Variants in NAV2 observed in about 807,000 individuals in gnomAD.
NAV2 encodes the protein neuron navigator 2, also known as helicase, APC down-regulated 1.
NAV2 carries 54 observed loss-of-function variants against 223.2 expected under a neutral mutation model. That is an observed-to-expected ratio of 0.24 (90% CI 0.19 to 0.30). The LOEUF (loss-of-function observed/expected upper bound fraction) is 0.30. Ranked by LOEUF, NAV2 falls within the 10% of genes least tolerant of loss-of-function variation. The pLI is 1.00. For synonymous variants in NAV2, 1,279 were observed against 1,239.3 expected, an observed-to-expected ratio of 1.03 and a Z score of -0.67; for missense variants, 2,806 against 3,147.5, an observed-to-expected ratio of 0.89 and a Z score of 2.60.
At chr11:19,765,398 C>CCTCT (rs1555038851) in intron 1 of NAV2, among the ~76,000 whole-genome samples, 2,356 of 149,856 alleles carry the variant, frequency 0.016, 79 homozygotes, top group African/African-American at 0.055. Context: ...TCCTTCCCTC[C>CCTCT]CTCCCTCTCT....
At chr11:19,356,565 T>C (rs965373604) in intron 1 of NAV2, among the ~76,000 whole-genome samples, 3 of 152,238 alleles carry the variant, frequency 2.0e-5, no homozygotes, top group African/African-American at 7.2e-5. Flanking sequence ...AGGGAGGACT[T>C]CTCTGGAGGA....
At chr11:20,010,621 T>G (rs1415816020) in intron 11 of NAV2, among the ~76,000 whole-genome samples, 1 of 152,202 alleles carries the variant, frequency 6.6e-6, no homozygotes, top group Non-Finnish European at 1.5e-5. Context: ...CTATAATATA[T>G]GTACAGCCGT....
At chr11:19,828,934 C>T (rs1405485511) in intron 1 of NAV2, among the ~76,000 whole-genome samples, 1 of 152,204 alleles carries the variant, frequency 6.6e-6, no homozygotes, top group Non-Finnish European at 1.5e-5. Flanking sequence ...TGTGAGTGTA[C>T]CTGATACTTG....
chr11:20,043,680 G>T (rs1413422723), intron 12 of NAV2, among the ~76,000 whole-genome samples: 1 of 152,094 alleles, frequency 6.6e-6, no homozygotes, highest in Non-Finnish European at 1.5e-5. Flanking sequence ...GGGATCAAGT[G>T]ATCCTCCCGC....
intron 6 of NAV2, among the ~76,000 whole-genome samples, chr11:19,928,946 A>G (rs2045049762): frequency 6.6e-6 from 1 of 152,008 alleles, no homozygotes; most frequent in Non-Finnish European, 1.5e-5. Flanking sequence ...GAGTCATAGG[A>G]CCCCAGGATT....
chr11:19,501,333 G>T (rs2042956930), intron 1 of NAV2, among the ~76,000 whole-genome samples: 1 of 152,038 alleles, frequency 6.6e-6, no homozygotes, highest in Non-Finnish European at 1.5e-5. Flanking sequence ...ATCTTTGCAG[G>T]ACCACTATTC....
intron 1 of NAV2, among the ~76,000 whole-genome samples, chr11:19,646,205 G>T (rs2047812345): frequency 6.6e-6 from 1 of 152,212 alleles, no homozygotes. Flanking sequence ...TTGAGCAAAT[G>T]CCAGAAAACC....
intron 10 of NAV2, among the ~76,000 whole-genome samples, chr11:19,981,684 G>C (rs955773369): frequency 3.3e-5 from 5 of 152,136 alleles, no homozygotes; most frequent in Non-Finnish European, 7.4e-5. Flanking sequence ...AAAGGACGTG[G>C]GGTCTAGAAA....
chr11:19,616,304 C>CTGTG (rs113035353), intron 1 of NAV2, among the ~76,000 whole-genome samples: 75,964 of 140,450 alleles, frequency 0.54, 23,750 homozygotes, highest in East Asian at 0.7. Flanking sequence ...TTGCTTCTGA[C>CTGTG]TGTGTGTGTG....
At chr11:20,093,033 G>A in intron 28 of NAV2, 66 bp from the exon 29 acceptor site, 1 of 938,782 alleles carries the variant, frequency 1.1e-6, no homozygotes, top group Admixed American at 2.0e-5. Context: ...ACCTGCAGCG[G>A]GGGTGTCAGG....
chr11:19,440,905 G>A (rs775285419), intron 1 of NAV2, among the ~76,000 whole-genome samples: 8 of 152,306 alleles, frequency 5.3e-5, no homozygotes, highest in Admixed American at 3.9e-4. Flanking sequence ...CTTCCACAGC[G>A]TCTAGAAACC....
rs776829996 is a variant in NAV2, at chr11:20,101,177, G to A, written c.6417+5G>A. ...GTGGACCATAAGTCCAGCAAGGTGAGGAGGTCATTCTGAGTCTGCTGTATT... is the reference window on the plus strand; with the variant it reads ...GTGGACCATAAGTCCAGCAAGGTGAAGAGGTCATTCTGAGTCTGCTGTATT... On this transcript the variant is annotated splice_donor_5th_base_variant and intron_variant, in intron 32 of 37. Coordinates refer to ENST00000349880, the MANE Select transcript of NAV2 (RefSeq NM_145117.5). 1 of 1,606,210 alleles carries A rather than the reference G, an allele frequency of 6.2e-7. No homozygotes were observed. The highest frequency in any genetic ancestry group is 1.3e-5 in the African/African-American group (1 of 74,790).
chr11:19,763,187 G>T (rs2054910952), intron 1 of NAV2, among the ~76,000 whole-genome samples: 1 of 152,196 alleles, frequency 6.6e-6, no homozygotes. Flanking sequence ...AAAGATCTTG[G>T]ATCTTAAATG....
intron 1 of NAV2, among the ~76,000 whole-genome samples, chr11:19,624,738 G>A (rs538276546): frequency 2.6e-5 from 4 of 152,198 alleles, no homozygotes; most frequent in Admixed American, 6.5e-5. Context: ...TTCGGCTCAC[G>A]CTTGGTGAGC....
chr11:20,023,519 C>T (rs759876409), intron 11 of NAV2, among the ~76,000 whole-genome samples: 54 of 152,032 alleles, frequency 3.6e-4, no homozygotes, highest in Admixed American at 3.3e-4. Context: ...GTCGTTATTC[C>T]GGACTTTTCA....
rs765632685 is a variant in NAV2, at chr11:19,935,851, G to GTTTTTTTTTTTTTTTTTTTTTT, written c.2033+1577_2033+1598dup. On this transcript the variant is annotated intron_variant, in intron 7 of 37. Transcript: ENST00000349880. Reference sequence around the variant, plus strand: ...ACGGCTTTTGTTTTGTTTTGTTTCTGTTTTTTTTTTTTTTTTTTTTTTTTG... The same window carrying GTTTTTTTTTTTTTTTTTTTTTT: ...ACGGCTTTTGTTTTGTTTTGTTTCTGTTTTTTTTTTTTTTTTTTTTTTTTTTTTTTTTTTTTTTTTTTTTTTG... Among the ~76,000 whole-genome samples, 50 of 52,698 alleles carry GTTTTTTTTTTTTTTTTTTTTTT rather than the reference G, an allele frequency of 9.5e-4. 7 individuals carry two copies. Among genetic ancestry groups the GTTTTTTTTTTTTTTTTTTTTTT allele is most frequent in the East Asian group, 2.3e-3 (3 of 1,284 alleles). The allele number at this position is 52,698 out of a possible 152,430, so 34.6% of individuals were successfully genotyped here.
chr11:19,771,083 C>T (rs2055682837), intron 1 of NAV2, among the ~76,000 whole-genome samples: 1 of 152,092 alleles, frequency 6.6e-6, no homozygotes, highest in Non-Finnish European at 1.5e-5. Context: ...CTTTAAATTC[C>T]CTATAGCCCT....
At chr11:20,113,845 A>G (rs756793446) in intron 36 of NAV2, among the ~76,000 whole-genome samples, 23 of 135,440 alleles carry the variant, frequency 1.7e-4, no homozygotes, top group Non-Finnish European at 2.5e-4. Context: ...CCCATCTCTT[A>G]AAAAAAAATG....
At chr11:19,959,525 A>G (rs187344735) in intron 10 of NAV2, among the ~76,000 whole-genome samples, 24 of 152,320 alleles carry the variant, frequency 1.6e-4, no homozygotes, top group Non-Finnish European at 1.8e-4. Context: ...TATGGTGACA[A>G]TTGAATGAGG....
Sources: gnomAD v4.1 joint callset for allele counts (sites outside exome capture counted in the v4.1 genomes callset) on GRCh38, gnomAD v4.1.1 for gene constraint, MANE v1.5 for transcripts, NCBI Gene and HGNC (gene_info 2026-07-23, HGNC 2026-07-21) for gene names.